MRC2: variants seen among roughly 807,000 people sequenced by gnomAD.
MRC2 encodes the protein mannose receptor C-type 2.
MRC2 carries 84 observed loss-of-function variants against 206.2 expected under a neutral mutation model. The ratio of observed to expected loss-of-function variants is 0.41; its 90% CI spans 0.34 to 0.49. The LOEUF (loss-of-function observed/expected upper bound fraction) is 0.49, where lower values mean the gene tolerates loss of function less well. Ranked by LOEUF, MRC2 falls within the 20% of genes least tolerant of loss-of-function variation. The pLI, the probability that MRC2 is intolerant of heterozygous loss-of-function variation, is 0.31. For synonymous variants in MRC2, 798 were observed against 800.0 expected (o/e 1.00, Z 0.04); for missense variants, 1,676 against 2,001.5 (o/e 0.84, Z 3.10).
chr17:62,684,329 G>T (rs75113326), intron 20 of MRC2, among the ~76,000 whole-genome samples: 107 of 152,254 alleles, frequency 7.0e-4, no homozygotes, highest in Non-Finnish European at 1.2e-3. Flanking sequence ...TGGCTAGTAG[G>T]CTGGGACGCT....
At chr17:62,678,448 C>G (rs2088920619) in intron 12 of MRC2, 56 bp from the exon 13 acceptor site, 1 of 1,584,910 alleles carries the variant, frequency 6.3e-7, no homozygotes, top group South Asian at 1.2e-5. Flanking sequence ...CAGTAGGTGC[C>G]CCCTGAGGGG....
At chr17:62,689,846 C>A in intron 24 of MRC2, 48 bp from the exon 25 acceptor site, 1 of 1,556,718 alleles carries the variant, frequency 6.4e-7, no homozygotes, top group Non-Finnish European at 8.7e-7. Context: ...TATCCGCACC[C>A]TATCCTGACT....
Position 62,672,170 on chromosome 17 carries a change from C to A in MRC2, c.1461+18C>A. ...GGGGCCCGGTGAGATCTCCCTCTCC[C>A]TATCACAGGGCCACAAAATACACCC... On this transcript the variant is annotated intron_variant, in intron 8 of 29. Coordinates refer to ENST00000303375, the MANE Select transcript of MRC2 (RefSeq NM_006039.5). The surrounding 1 kb of genome is among the most constrained non-coding windows in gnomAD (Gnocchi z 4.5). 1 of 1,613,676 alleles carries A rather than the reference C, an allele frequency of 6.2e-7. No individual in the cohort carries two copies. Among genetic ancestry groups the A allele is most frequent in the Non-Finnish European group, 8.5e-7 (1 of 1,179,852 alleles).
chr17:62,687,305 CAT>C (rs2089043844), intron 20 of MRC2, among the ~76,000 whole-genome samples: 1 of 152,222 alleles, frequency 6.6e-6, no homozygotes, highest in Admixed American at 6.5e-5. Context: ...GGATTACAGG[CAT>C]GTGCCACCAC....
intron 1 of MRC2, among the ~76,000 whole-genome samples, chr17:62,642,239 C>G (rs2088414712): frequency 6.6e-6 from 1 of 152,092 alleles, no homozygotes; most frequent in Non-Finnish European, 1.5e-5. Context: ...TTTTGAGGAT[C>G]CCAGGCCAGT....
intron 1 of MRC2, among the ~76,000 whole-genome samples, chr17:62,653,117 G>T (rs975521629): frequency 3.3e-5 from 5 of 152,182 alleles, no homozygotes; most frequent in African/African-American, 9.7e-5. Context: ...GGCGCTGCCC[G>T]GAGCAGAGGC....
intron 1 of MRC2, among the ~76,000 whole-genome samples, chr17:62,657,906 A>G (rs938798632): frequency 6.6e-6 from 1 of 152,114 alleles, no homozygotes; most frequent in African/African-American, 2.4e-5. Context: ...AATGCTCTCA[A>G]GAACCCCCTG....
Position 62,628,976 on chromosome 17 carries a change from G to T in MRC2, c.118+1056G>T, listed in dbSNP as rs1351765983. ...GAGTCTGGGGCCTCCAGCCTGGCCC[G>T]TGCTTGCTGGGTTGGCCTGGCGTGA... is the stretch of plus-strand genomic sequence containing the variant. On this transcript the variant is annotated intron_variant, in intron 1 of 29. Coordinates refer to ENST00000303375, the MANE Select transcript of MRC2 (RefSeq NM_006039.5). 2.6e-5 allele frequency among the ~76,000 whole-genome samples: 4 copies of T among 152,186 alleles called. No homozygotes were observed. In the East Asian group the frequency reaches 7.7e-4, roughly 29 times the overall value.
chr17:62,690,162 C>G lies in MRC2; in HGVS notation c.3749C>G (p.Pro1250Arg), dbSNP rs1348448702. The part of the protein sequence containing the change: ...GAVCGVSSGP[P>R]PPRRISYHGS... ...TAATCCTGTACCCCCACAGGGCCCC[C>G]TCCTCCCCGAAGAATAAGCTACCAT... is the stretch of plus-strand genomic sequence containing the variant. Residue 1250 changes from proline to arginine, a missense_variant, in exon 26 of 30, where the codon CCT becomes CGT. By Grantham distance (103) the Pro-to-Arg change is moderately radical. Coordinates refer to ENST00000303375, the MANE Select transcript of MRC2 (RefSeq NM_006039.5). 1.4e-5 allele frequency: 22 copies of G among 1,603,822 alleles called. 1 individual carries two copies. In the Admixed American group the frequency reaches 2.9e-4, roughly 21 times the overall value.
chr17:62,673,418 A>G (rs1345423100), intron 8 of MRC2, among the ~76,000 whole-genome samples: 2 of 152,046 alleles, frequency 1.3e-5, no homozygotes, highest in Non-Finnish European at 2.9e-5. Context: ...CAAGCTGTCT[A>G]TCCTGCCATC....
At chr17:62,631,216 C>T (rs2465412) in intron 1 of MRC2, among the ~76,000 whole-genome samples, 82,605 of 151,904 alleles carry the variant, frequency 0.54, 23,429 homozygotes, top group East Asian at 0.82. Flanking sequence ...TCCTGTTGCA[C>T]TGTCCATACC....
At chr17:62,654,326 C>T (rs147733564) in intron 1 of MRC2, among the ~76,000 whole-genome samples, 45 of 152,076 alleles carry the variant, frequency 3.0e-4, no homozygotes, top group Admixed American at 5.2e-4. Flanking sequence ...TTTGCTCCTG[C>T]GGTTGGGCAG....
rs368122647 is a variant in MRC2 at position 62,664,913 on chromosome 17, G to T, written c.484G>T (p.Gly162Cys). Residue 162 changes from glycine to cysteine, a missense_variant, in exon 2 of 30, where the codon GGC (glycine) becomes TGC (cysteine). Around this residue, in one of 3 missense-constraint regions of MRC2, gnomAD observed 318 missense variants for 346.7 expected, o/e 0.92. Coordinates refer to ENST00000303375, the MANE Select transcript of MRC2 (RefSeq NM_006039.5). The surrounding 1 kb of genome is among the most constrained non-coding windows in gnomAD (Gnocchi z 4.7). ...CCGCAGTGGCCAGTGGCGCATCTAC[G>T]GCAGCGAGGAGGACCTATGTGCTCT... ...QTRSGQWRIY[G>C]SEEDLCALPY... 1 of 1,612,116 alleles carries T rather than the reference G, an allele frequency of 6.2e-7. No individual in the cohort carries two copies. Among genetic ancestry groups the T allele is most frequent in the Non-Finnish European group, 8.5e-7 (1 of 1,179,874 alleles).
intron 1 of MRC2, among the ~76,000 whole-genome samples, chr17:62,636,894 A>G (rs1419085164): frequency 6.6e-6 from 1 of 151,820 alleles, no homozygotes; most frequent in African/African-American, 2.4e-5. Flanking sequence ...GGCACAAACC[A>G]CTGCACCTGG....
At chr17:62,655,112 T>C (rs886604875) in intron 1 of MRC2, among the ~76,000 whole-genome samples, 3 of 148,526 alleles carry the variant, frequency 2.0e-5, no homozygotes, top group East Asian at 2.0e-4. Flanking sequence ...GGTGAAACCC[T>C]GTCTCTACTA....
rs78842284 is a variant in MRC2, at chr17:62,630,202, C to T, written c.118+2282C>T. Among the ~76,000 whole-genome samples, 869 of 152,240 alleles carry T rather than the reference C, an allele frequency of 5.7e-3. 8 individuals carry two copies. The highest frequency in any genetic ancestry group is 0.02 in the African/African-American group (824 of 41,542). On this transcript the variant is annotated intron_variant, in intron 1 of 29. Coordinates refer to ENST00000303375, the MANE Select transcript of MRC2 (RefSeq NM_006039.5). The stretch of plus-strand genomic sequence containing the variant: ...GAATGAAACGTGGAACAGTGAACTG[C>T]GTAGGGGGCAGAATGCCATTGGTGG...
At chr17:62,655,028 G>A (rs916600114) in intron 1 of MRC2, among the ~76,000 whole-genome samples, 1 of 152,216 alleles carries the variant, frequency 6.6e-6, no homozygotes, top group Non-Finnish European at 1.5e-5. Flanking sequence ...GCTCACACCT[G>A]TAATCCCAGC....
At chr17:62,679,746 C>T (rs948343336) in intron 13 of MRC2, 54 bp from the exon 14 acceptor site, 3 of 1,567,452 alleles carry the variant, frequency 1.9e-6, no homozygotes, top group Non-Finnish European at 1.7e-6. Context: ...CGTTTGGGTT[C>T]CTGCCCCTCT....
chr17:62,673,938 C>T, intron 8 of MRC2, 125 bp from the exon 9 acceptor site: 1 of 751,866 alleles, frequency 1.3e-6, no homozygotes, highest in Admixed American at 2.4e-5. Context: ...AGCTGGGACA[C>T]AGACATGTCA....
Sources: gnomAD v4.1 joint callset for allele counts (sites outside exome capture counted in the v4.1 genomes callset) on GRCh38, gnomAD v4.1.1 for gene constraint, gnomAD v4.1.1 regional missense constraint, Gnocchi (gnomAD v3.1) non-coding constraint, MANE v1.5 for transcripts, NCBI Gene and HGNC (gene_info 2026-07-23, HGNC 2026-07-21) for gene names.